MAGI2: variants seen among roughly 807,000 people sequenced by gnomAD.
MAGI2 encodes membrane associated guanylate kinase, WW and PDZ domain containing 2.
MAGI2 carries 35 observed loss-of-function variants against 133.3 expected under a neutral mutation model. That is an observed-to-expected ratio of 0.26 (90% confidence interval 0.20 to 0.35). The LOEUF (loss-of-function observed/expected upper bound fraction) is 0.35. MAGI2 is among the 10% of genes least tolerant of loss of function. MAGI2 has a pLI of 1.00. For synonymous variants in MAGI2, 729 were observed against 710.6 expected (o/e 1.03, Z -0.41); for missense variants, 1,636 against 1,863.4 (o/e 0.88, Z 2.25).
At chr7:78,295,308 T>A (rs571052356) in intron 9 of MAGI2, among the ~76,000 whole-genome samples, 1 of 152,330 alleles carries the variant, frequency 6.6e-6, no homozygotes, top group Admixed American at 6.5e-5. Context: ...CTACTTTGGC[T>A]ATAACCAGAA....
chr7:78,323,016 T>C (rs1788172162), intron 9 of MAGI2, among the ~76,000 whole-genome samples: 1 of 126,490 alleles, frequency 7.9e-6, no homozygotes, highest in Admixed American at 7.9e-5. Flanking sequence ...CATCTAAAAA[T>C]AAATATGTGT....
chr7:79,118,788 C>A (rs916791102), intron 1 of MAGI2, among the ~76,000 whole-genome samples: 2 of 152,120 alleles, frequency 1.3e-5, no homozygotes, highest in African/African-American at 4.8e-5. Flanking sequence ...TGGCCCATGA[C>A]TACTCCCCCA....
At chr7:79,134,621 T>A (rs1464282251) in intron 1 of MAGI2, among the ~76,000 whole-genome samples, 1 of 152,224 alleles carries the variant, frequency 6.6e-6, no homozygotes, top group Non-Finnish European at 1.5e-5. Context: ...TCCCTTCCAA[T>A]TATTTTAAAA....
At chr7:78,888,304 C>T (rs1239521139) in intron 2 of MAGI2, among the ~76,000 whole-genome samples, 1 of 152,206 alleles carries the variant, frequency 6.6e-6, no homozygotes, top group Non-Finnish European at 1.5e-5. Flanking sequence ...CCTCTGGGGG[C>T]AGGGCATAGC....
At chr7:78,830,157 A>G (rs1791017473) in intron 2 of MAGI2, among the ~76,000 whole-genome samples, 1 of 152,130 alleles carries the variant, frequency 6.6e-6, no homozygotes, top group African/African-American at 2.4e-5. Flanking sequence ...TAGCAGTTCA[A>G]AGTTACAAGC....
At chr7:78,241,457 C>G (rs1424297766) in intron 10 of MAGI2, among the ~76,000 whole-genome samples, 1 of 152,084 alleles carries the variant, frequency 6.6e-6, no homozygotes, top group Non-Finnish European at 1.5e-5. Context: ...TTGATATTTA[C>G]TCAGATTTCT....
At chr7:79,223,788 C>A (rs1468154324) in intron 1 of MAGI2, among the ~76,000 whole-genome samples, 1 of 152,000 alleles carries the variant, frequency 6.6e-6, no homozygotes, top group Admixed American at 6.5e-5. Flanking sequence ...GACCCTAAAA[C>A]CTCTATTCTT....
chr7:78,326,917 G>C (rs1198642369), intron 9 of MAGI2, among the ~76,000 whole-genome samples: 1 of 152,162 alleles, frequency 6.6e-6, no homozygotes, highest in African/African-American at 2.4e-5. Context: ...TAGGGGCAGA[G>C]AGGAAGATCT....
intron 3 of MAGI2, among the ~76,000 whole-genome samples, chr7:78,584,057 C>A (rs956111308): frequency 6.6e-6 from 1 of 152,092 alleles, no homozygotes; most frequent in African/African-American, 2.4e-5. Flanking sequence ...TGGGAAAAAA[C>A]CAAACCAAAT....
intron 7 of MAGI2, among the ~76,000 whole-genome samples, chr7:78,363,913 T>A (rs1402236454): frequency 6.6e-6 from 1 of 152,248 alleles, no homozygotes; most frequent in Non-Finnish European, 1.5e-5. Flanking sequence ...TCTGGAAAGA[T>A]TAAATCAGCT....
intron 20 of MAGI2, among the ~76,000 whole-genome samples, chr7:78,096,378 A>G (rs1046874334): frequency 1.3e-5 from 2 of 152,198 alleles, no homozygotes; most frequent in African/African-American, 4.8e-5. Flanking sequence ...AAGGTTGTTG[A>G]GAAGATCATA....
chr7:78,133,713 A>T (rs1194353243), intron 17 of MAGI2, among the ~76,000 whole-genome samples: 3 of 152,204 alleles, frequency 2.0e-5, no homozygotes, highest in African/African-American at 7.2e-5. Context: ...CACATTCCAG[A>T]CTCAGAAAAC....
intron 4 of MAGI2, among the ~76,000 whole-genome samples, chr7:78,512,221 T>G (rs142325201): frequency 6.6e-6 from 1 of 152,004 alleles, no homozygotes; most frequent in East Asian, 1.9e-4. Flanking sequence ...TTTTTGCAGA[T>G]GTAAACAACC....
intron 1 of MAGI2, among the ~76,000 whole-genome samples, chr7:79,274,038 AC>A (rs1483447247): frequency 1.3e-5 from 2 of 152,012 alleles, no homozygotes; most frequent in African/African-American, 4.8e-5. Flanking sequence ...TGCACATGAG[AC>A]TCACCACCTG....
At chr7:78,435,762 A>C (rs949469851) in intron 6 of MAGI2, among the ~76,000 whole-genome samples, 15 of 152,288 alleles carry the variant, frequency 9.8e-5, no homozygotes, top group Admixed American at 5.9e-4. Flanking sequence ...CTCAACCAGC[A>C]GATTGAAAAT....
intron 2 of MAGI2, among the ~76,000 whole-genome samples, chr7:78,767,631 C>T (rs1486278410): frequency 6.6e-6 from 1 of 152,162 alleles, no homozygotes; most frequent in Non-Finnish European, 1.5e-5. Flanking sequence ...TGTCAGAAAG[C>T]AGGCCATTAC....
intron 1 of MAGI2, among the ~76,000 whole-genome samples, chr7:79,051,140 TA>T (rs1812636519): frequency 6.6e-6 from 1 of 152,232 alleles, no homozygotes; most frequent in South Asian, 2.1e-4. Context: ...TCACTCTAGA[TA>T]AAACATATTG....
chr7:79,371,434 T>G (rs1843041157), intron 1 of MAGI2, among the ~76,000 whole-genome samples: 1 of 152,152 alleles, frequency 6.6e-6, no homozygotes, highest in Admixed American at 6.6e-5. Flanking sequence ...ACATTCCTGT[T>G]AACTACATAT....
At chr7:78,228,932 C>G (rs1283462054) in intron 10 of MAGI2, among the ~76,000 whole-genome samples, 1 of 152,142 alleles carries the variant, frequency 6.6e-6, no homozygotes, top group East Asian at 1.9e-4. Context: ...CTTCATTTAC[C>G]TAATACACTA....
Sources: gnomAD v4.1 joint callset for allele counts (sites outside exome capture counted in the v4.1 genomes callset) on GRCh38, gnomAD v4.1.1 for gene constraint, MANE v1.5 for transcripts, NCBI Gene and HGNC (gene_info 2026-07-23, HGNC 2026-07-21) for gene names.